DPH6: variants seen among roughly 807,000 people sequenced by gnomAD.
DPH6 encodes diphthine--ammonia ligase.
DPH6 carries 33 observed loss-of-function variants against 38.2 expected under a neutral mutation model. The ratio of observed to expected loss-of-function variants is 0.86; its 90% CI spans 0.65 to 1.15. DPH6 has a LOEUF of 1.15. Among genes scored for constraint, DPH6 ranks in the 50% most tolerant of loss-of-function variants. The probability of loss-of-function intolerance (pLI) is 0.00; values close to 1 mark genes in which losing one functional copy is unlikely to be tolerated. For missense variants in DPH6, 325 were observed against 320.0 expected, an observed-to-expected ratio of 1.02 and a Z score of -0.12; for synonymous variants, 108 against 103.0, an observed-to-expected ratio of 1.05 and a Z score of -0.30.
At chr15:35,505,180 C>G (rs1282521321) in intron 3 of DPH6, among the ~76,000 whole-genome samples, 1 of 152,096 alleles carries the variant, frequency 6.6e-6, no homozygotes, top group East Asian at 1.9e-4. Flanking sequence ...GAAGCTGTTT[C>G]AGCTTCAAGT....
intron 3 of DPH6, among the ~76,000 whole-genome samples, chr15:35,513,802 A>G (rs1331064078): frequency 6.6e-6 from 1 of 152,038 alleles, no homozygotes; most frequent in Non-Finnish European, 1.5e-5. Flanking sequence ...TGTCCAGATA[A>G]TGAACATTAT....
chr15:35,255,159 A>T (rs1198377781), intron 3 of DPH6, among the ~76,000 whole-genome samples: 1 of 152,196 alleles, frequency 6.6e-6, no homozygotes, highest in Non-Finnish European at 1.5e-5. Flanking sequence ...AAAACGGAGA[A>T]CTATGAAACA....
rs2052495016 is a variant in DPH6 at position 35,349,877 on chromosome 15, T to A, written n.208-18800A>T. 2.0e-5 allele frequency among the ~76,000 whole-genome samples: 3 copies of A among 152,230 alleles called. No individual in the cohort carries two copies. The South Asian group carries it at 6.2e-4, about 31-fold the overall frequency. On this transcript the variant is annotated intron_variant and non_coding_transcript_variant, in intron 3 of 3. Transcript: ENST00000558973. ...AAGCATGCTAGTGTTTTGCTGAAGA[T>A]TTTTGCATCGACATTCATCAGGGAT...
At chr15:35,240,439 C>G (rs796715112) in intron 3 of DPH6, among the ~76,000 whole-genome samples, 5 of 142,588 alleles carry the variant, frequency 3.5e-5, no homozygotes, top group African/African-American at 1.3e-4. Context: ...ACAGACCCAT[C>G]TGATCTCTCC....
intron 5 of DPH6, among the ~76,000 whole-genome samples, chr15:35,421,633 C>T (rs1161901912): frequency 2.6e-5 from 4 of 152,050 alleles, no homozygotes; most frequent in Admixed American, 6.6e-5. Flanking sequence ...TATCAGTTTT[C>T]AAGATGATGA....
At chr15:35,493,632 C>T (rs978450597) in intron 3 of DPH6, among the ~76,000 whole-genome samples, 2 of 151,988 alleles carry the variant, frequency 1.3e-5, no homozygotes, top group Non-Finnish European at 2.9e-5. Flanking sequence ...AAGAATTCAC[C>T]TCTGTTTATT....
At chr15:35,427,374 G>C (rs1054198090) in intron 5 of DPH6, among the ~76,000 whole-genome samples, 2 of 151,932 alleles carry the variant, frequency 1.3e-5, no homozygotes, top group African/African-American at 4.8e-5. Context: ...AGTGTGAAAT[G>C]GCTGAGCTAC....
intron 3 of DPH6, among the ~76,000 whole-genome samples, chr15:35,272,104 AAT>A (rs1328694938): frequency 2.0e-5 from 3 of 152,232 alleles, no homozygotes; most frequent in Non-Finnish European, 4.4e-5. Flanking sequence ...ACAGATCAAA[AAT>A]ATTTTAAAAA....
chr15:35,493,550 C>G (rs1246282214), intron 3 of DPH6, among the ~76,000 whole-genome samples: 1 of 152,038 alleles, frequency 6.6e-6, no homozygotes, highest in Admixed American at 6.6e-5. Context: ...TCAGAGATAC[C>G]AGAATGGTCA....
At chr15:35,171,800 T>C in the DPH6 span, among the ~76,000 whole-genome samples, 4 of 152,014 alleles carry the variant, frequency 2.6e-5, no homozygotes, top group African/African-American at 9.7e-5. Flanking sequence ...AAAATTCATT[T>C]ATGCTTTGTA....
intron 3 of DPH6, among the ~76,000 whole-genome samples, chr15:35,528,641 T>C (rs1333284225): frequency 2.0e-5 from 3 of 152,156 alleles, no homozygotes; most frequent in African/African-American, 7.2e-5. Flanking sequence ...AATCCATTTC[T>C]TGTATTATAT....
chr15:35,467,745 C>T (rs773517537), intron 3 of DPH6, among the ~76,000 whole-genome samples: 15 of 151,918 alleles, frequency 9.9e-5, no homozygotes, highest in African/African-American at 1.4e-4. Flanking sequence ...GGCCTTCTTG[C>T]GGAATACCTT....
intron 3 of DPH6, among the ~76,000 whole-genome samples, chr15:35,362,254 CT>C (rs2052620415): frequency 6.6e-6 from 1 of 152,106 alleles, no homozygotes; most frequent in African/African-American, 2.4e-5. Context: ...GTCTGCAGTG[CT>C]ACAGGTTCTC....
rs558183443 is a variant in DPH6, at chr15:35,509,883, C to T, written c.312+28391G>A. Among the ~76,000 whole-genome samples the T allele has an allele frequency of 4.6e-5, 7 of 152,270 alleles. No homozygotes were observed. The East Asian group carries it at 1.4e-3, about 29-fold the overall frequency. Reference sequence around the variant, plus strand: ...AGGTAATTTAATCATTTTTCCTCAACAATGTTGTAAACCAAGAAACTTTAC... The same window carrying T: ...AGGTAATTTAATCATTTTTCCTCAATAATGTTGTAAACCAAGAAACTTTAC... On this transcript the variant is annotated intron_variant, in intron 3 of 8. Coordinates refer to ENST00000256538, the MANE Select transcript of DPH6 (RefSeq NM_080650.4).
At chr15:35,354,697 G>T (rs1051820008) in intron 3 of DPH6, among the ~76,000 whole-genome samples, 1 of 152,128 alleles carries the variant, frequency 6.6e-6, no homozygotes, top group Non-Finnish European at 1.5e-5. Flanking sequence ...ATTTTATTGA[G>T]AATTTTTGCA....
At chr15:35,422,806 G>A (rs556120369) in intron 5 of DPH6, among the ~76,000 whole-genome samples, 4 of 151,880 alleles carry the variant, frequency 2.6e-5, no homozygotes, top group Admixed American at 2.0e-4. Flanking sequence ...TAAGTGATAC[G>A]ATGCAGTATT....
chr15:35,293,692 A>G (rs893696667), intron 3 of DPH6, among the ~76,000 whole-genome samples: 1 of 152,200 alleles, frequency 6.6e-6, no homozygotes. Flanking sequence ...CAAGGGGGAA[A>G]AATTGCTTCT....
downstream of DPH6, among the ~76,000 whole-genome samples, chr15:35,367,271 G>A (rs2052669398): frequency 6.6e-6 from 1 of 151,734 alleles, no homozygotes; most frequent in African/African-American, 2.4e-5. Flanking sequence ...ATAAAATTGA[G>A]GTTAAATTCC....
chr15:35,231,660 G>A (rs890662661), intron 3 of DPH6, among the ~76,000 whole-genome samples: 1 of 152,188 alleles, frequency 6.6e-6, no homozygotes, highest in African/African-American at 2.4e-5. Context: ...GAATACTTGA[G>A]GCAGGGTAAT....
Sources: allele counts gnomAD v4.1 joint callset (sites outside exome capture counted in the v4.1 genomes callset), GRCh38; gene constraint gnomAD v4.1.1; transcripts MANE v1.5; gene names NCBI Gene and HGNC (gene_info 2026-07-23, HGNC 2026-07-21).